RALYL: variants seen among roughly 807,000 people sequenced by gnomAD.
The protein encoded by RALYL is RNA-binding Raly-like protein.
RALYL carries 29 observed loss-of-function variants against 35.1 expected under a neutral mutation model. The ratio of observed to expected loss-of-function variants is 0.83; its 90% CI spans 0.61 to 1.13. RALYL has a LOEUF of 1.13. Among genes scored for constraint, RALYL ranks in the 50% most tolerant of loss-of-function variants. The pLI is 0.00. For missense variants in RALYL, 359 were observed against 360.4 expected (o/e 1.00, Z 0.03); for synonymous variants, 120 against 127.6 (o/e 0.94, Z 0.40).
chr8:84,793,646 T>G (rs1165508052), intron 3 of RALYL, among the ~76,000 whole-genome samples: 2 of 152,196 alleles, frequency 1.3e-5, no homozygotes, highest in African/African-American at 2.4e-5. Context: ...GCCAGTCACT[T>G]GGAGCTTCCA....
At chr8:84,352,928 T>C (rs1293013751) in intron 1 of RALYL, among the ~76,000 whole-genome samples, 1 of 150,144 alleles carries the variant, frequency 6.7e-6, no homozygotes, top group Non-Finnish European at 1.5e-5. Flanking sequence ...AAGAAAATAC[T>C]GTATTTGAAT....
intron 1 of RALYL, among the ~76,000 whole-genome samples, chr8:84,388,688 G>A (rs1419480598): frequency 2.6e-5 from 4 of 151,364 alleles, no homozygotes; most frequent in South Asian, 2.1e-4. Flanking sequence ...TGATGGGGTT[G>A]TTTGTTTTTT....
intron 2 of RALYL, among the ~76,000 whole-genome samples, chr8:84,658,460 C>T (rs969822575): frequency 6.6e-6 from 1 of 152,144 alleles, no homozygotes; most frequent in African/African-American, 2.4e-5. Flanking sequence ...GTATCTCCCT[C>T]TTAAAATTAG....
chr8:84,651,118 G>T (rs1298867954), intron 2 of RALYL, among the ~76,000 whole-genome samples: 1 of 151,938 alleles, frequency 6.6e-6, no homozygotes, highest in African/African-American at 2.4e-5. Flanking sequence ...TATACCTAAT[G>T]CTAAATGATG....
intron 8 of RALYL, among the ~76,000 whole-genome samples, chr8:84,906,437 A>T (rs150010786): frequency 2.0e-4 from 30 of 152,308 alleles, no homozygotes; most frequent in African/African-American, 6.3e-4. Context: ...AGTCATTAAC[A>T]GCAGTATTTC....
chr8:84,688,330 A>G (rs1348194539), intron 2 of RALYL, among the ~76,000 whole-genome samples: 3 of 152,132 alleles, frequency 2.0e-5, no homozygotes, highest in South Asian at 2.1e-4. Context: ...ATTTCAAAAT[A>G]TACTACAATG....
intron 2 of RALYL, among the ~76,000 whole-genome samples, chr8:84,644,671 G>A (rs1827098750): frequency 6.6e-6 from 1 of 151,576 alleles, no homozygotes; most frequent in African/African-American, 2.4e-5. Context: ...TATCTTGTCT[G>A]TTAAACCTTT....
intron 2 of RALYL, among the ~76,000 whole-genome samples, chr8:84,610,406 C>T (rs1395883282): frequency 3.3e-5 from 5 of 152,006 alleles, no homozygotes; most frequent in Admixed American, 3.3e-4. Flanking sequence ...TTGGAAGGAA[C>T]ATCACGGAGG....
intron 2 of RALYL, among the ~76,000 whole-genome samples, chr8:84,718,350 C>G (rs1391522354): frequency 6.6e-6 from 1 of 152,090 alleles, no homozygotes; most frequent in Non-Finnish European, 1.5e-5. Context: ...TGTAGGTATT[C>G]TGGGTCAGTT....
chr8:84,492,338 A>G (rs1420153168), intron 1 of RALYL, among the ~76,000 whole-genome samples: 1 of 152,124 alleles, frequency 6.6e-6, no homozygotes, highest in Non-Finnish European at 1.5e-5. Flanking sequence ...TTGTGTAACT[A>G]TAGCAAAGCT....
At chr8:84,495,530 A>T (rs2055903367) in intron 1 of RALYL, among the ~76,000 whole-genome samples, 3 of 152,138 alleles carry the variant, frequency 2.0e-5, no homozygotes, top group Non-Finnish European at 2.9e-5. Context: ...CCTTGAAATT[A>T]AAAAATGTGC....
intron 3 of RALYL, among the ~76,000 whole-genome samples, chr8:84,796,185 G>T (rs768068295): frequency 1.3e-5 from 2 of 152,116 alleles, no homozygotes; most frequent in African/African-American, 4.8e-5. Context: ...ACCAACCAGT[G>T]CTTCTTCCCA....
At chr8:84,662,056 A>G (rs927843658) in intron 2 of RALYL, among the ~76,000 whole-genome samples, 3 of 152,240 alleles carry the variant, frequency 2.0e-5, no homozygotes, top group African/African-American at 4.8e-5. Context: ...AAATAAAGTC[A>G]ATACATAAAA....
chr8:84,191,815 G>T (rs1448225497), intron 1 of RALYL, among the ~76,000 whole-genome samples: 1 of 152,050 alleles, frequency 6.6e-6, no homozygotes, highest in East Asian at 1.9e-4. Flanking sequence ...ATAATTAAAT[G>T]ATTAGCCTGC....
chr8:84,784,380 C>T (rs1024440610), intron 3 of RALYL, among the ~76,000 whole-genome samples: 5 of 152,036 alleles, frequency 3.3e-5, no homozygotes, highest in Non-Finnish European at 7.4e-5. Flanking sequence ...ACCAAACAGC[C>T]CTTTTTCCTC....
At chr8:84,457,655 T>A (rs1454769156) in intron 1 of RALYL, among the ~76,000 whole-genome samples, 5 of 151,882 alleles carry the variant, frequency 3.3e-5, no homozygotes, top group Non-Finnish European at 2.9e-5. Flanking sequence ...TTACGCCTTG[T>A]CTTAACCTCA....
chr8:84,868,528 C>T (rs981707870), intron 6 of RALYL, among the ~76,000 whole-genome samples: 3 of 152,154 alleles, frequency 2.0e-5, no homozygotes, highest in Non-Finnish European at 2.9e-5. Flanking sequence ...TACTTAACTT[C>T]TCTAATATTC....
chr8:84,211,364 C>T (rs891381903), intron 1 of RALYL, among the ~76,000 whole-genome samples: 1 of 152,060 alleles, frequency 6.6e-6, no homozygotes, highest in African/African-American at 2.4e-5. Flanking sequence ...ACTAGCTTTC[C>T]ACTCGCAGCT....
intron 2 of RALYL, among the ~76,000 whole-genome samples, chr8:84,541,697 T>C (rs985850886): frequency 1.3e-5 from 2 of 152,066 alleles, no homozygotes; most frequent in Non-Finnish European, 2.9e-5. Context: ...CTGTTTATCT[T>C]CTTAGTTCTT....
Sources: allele counts gnomAD v4.1 joint callset (sites outside exome capture counted in the v4.1 genomes callset), GRCh38; gene constraint gnomAD v4.1.1; transcripts MANE v1.5; gene names NCBI Gene and HGNC (gene_info 2026-07-23, HGNC 2026-07-21).